The following ZNF506 variants were observed in gnomAD, a reference collection of about 807,000 sequenced individuals.
The protein encoded by ZNF506 is zinc finger protein 506.
ZNF506 carries 10 observed loss-of-function variants against 11.6 expected under a neutral mutation model. The observed-to-expected ratio is 0.86, with a 90% confidence interval of 0.53 to 1.46. The LOEUF is 1.46. ZNF506 is among the 40% of genes most tolerant of loss of function. ZNF506 has a pLI of 0.00. For synonymous variants in ZNF506, 156 were observed against 173.3 expected, an observed-to-expected ratio of 0.90 and a Z score of 0.78; for missense variants, 425 against 521.2, an observed-to-expected ratio of 0.82 and a Z score of 1.80.
chr19:19,812,310 A>G (rs774034687), intron 1 of ZNF506, among the ~76,000 whole-genome samples: 1 of 152,274 alleles, frequency 6.6e-6, no homozygotes, highest in Non-Finnish European at 1.5e-5. Context: ...CGCTGGCCCA[A>G]TGATAAGCCA....
At chr19:19,808,688 C>A (rs1225485646) in intron 1 of ZNF506, among the ~76,000 whole-genome samples, 5 of 150,738 alleles carry the variant, frequency 3.3e-5, no homozygotes, top group Non-Finnish European at 5.9e-5. Context: ...CTACAAAATA[C>A]AAAAATTAGC....
chr19:19,805,923 T>C, intron 3 of ZNF506, 108 bp downstream of exon 3: 1 of 987,322 alleles, frequency 1.0e-6, no homozygotes. Flanking sequence ...CAGGAACTAT[T>C]TCCTTGGGAA....
chr19:19,821,494 G>C, intron 1 of ZNF506, 107 bp downstream of exon 1: 1 of 1,439,062 alleles, frequency 6.9e-7, no homozygotes, highest in Non-Finnish European at 9.8e-7. Context: ...TTGTGGAGCT[G>C]ACTGCCGGGA....
intron 1 of ZNF506, among the ~76,000 whole-genome samples, chr19:19,809,696 G>T (rs1454318589): frequency 2.6e-5 from 4 of 152,088 alleles, no homozygotes; most frequent in Admixed American, 6.6e-5. Flanking sequence ...CTCCTTTCCT[G>T]TCCCCAGGTG....
chr19:19,799,869 C>G (rs1371544132), intron 3 of ZNF506, among the ~76,000 whole-genome samples: 7 of 112,940 alleles, frequency 6.2e-5, no homozygotes, highest in South Asian at 2.4e-4. Context: ...ACCCAACAGT[C>G]TTCAAAAAAA....
At chr19:19,820,282 A>G (rs1390415001) in intron 1 of ZNF506, 1 of 152,218 alleles carries the variant, frequency 6.6e-6, no homozygotes, top group Admixed American at 6.5e-5. Flanking sequence ...ACTCAAGTGT[A>G]TTCTTTGGTA....
chr19:19,798,492 C>CAA (rs11329595), intron 3 of ZNF506: 164 of 139,670 alleles, frequency 1.2e-3, no homozygotes, highest in African/African-American at 3.8e-3. Context: ...ATTAAAAATA[C>CAA]AAAAAAAAAA....
chr19:19,818,612 G>A (rs1017585366), intron 1 of ZNF506, among the ~76,000 whole-genome samples: 2 of 152,160 alleles, frequency 1.3e-5, no homozygotes, highest in Non-Finnish European at 2.9e-5. Flanking sequence ...CAAATAGAAT[G>A]ATTAGAAACT....
chr19:19,798,654 C>CAAAAAAAAA (rs1169444252), intron 3 of ZNF506: 1 of 39,422 alleles, frequency 2.5e-5, no homozygotes, highest in African/African-American at 1.0e-4. Context: ...GACTCCGTCT[C>CAAAAAAAAA]AAAAAAAAAA....
chr19:19,815,482 C>T (rs1568480925), intron 1 of ZNF506, among the ~76,000 whole-genome samples: 2 of 152,150 alleles, frequency 1.3e-5, no homozygotes, highest in African/African-American at 2.4e-5. Context: ...GACCTGGGAT[C>T]ACAGGACAAC....
rs187672785 is a variant in ZNF506 at position 19,806,199 on chromosome 19, G to A, written c.131-73C>T. The stretch of plus-strand genomic sequence containing the variant: ...TTACAAGCTAGTACTGTGCTCAGCA[G>A]AGAGGATGTGATAAAGTATTCTAGT... On this transcript the variant is annotated intron_variant, in intron 2 of 3. Transcript: ENST00000540806. 1,769 of 1,068,332 alleles carry A rather than the reference G, an allele frequency of 1.7e-3. 17 individuals are homozygous for A. The African/African-American group carries it at 0.019, about 11-fold the overall frequency. 66.2% of individuals were successfully genotyped at this position (1,068,332 alleles called of 1,614,324 possible). A position where few individuals can be genotyped will look rare whatever the true frequency, so the allele number is the denominator to read the frequency against.
At chr19:19,807,231 T>G (rs924278304) in intron 1 of ZNF506, among the ~76,000 whole-genome samples, 163 bp from the exon 2 acceptor site, 6 of 152,232 alleles carry the variant, frequency 3.9e-5, no homozygotes, top group Non-Finnish European at 7.3e-5. Flanking sequence ...TAATGTATTC[T>G]CTAACTCTGA....
At chr19:19,813,278 T>C (rs1404997749) in intron 1 of ZNF506, among the ~76,000 whole-genome samples, 1 of 152,236 alleles carries the variant, frequency 6.6e-6, no homozygotes, top group Non-Finnish European at 1.5e-5. Flanking sequence ...TAAATTTTCT[T>C]TGGATATTAG....
intron 1 of ZNF506, among the ~76,000 whole-genome samples, chr19:19,813,037 G>C (rs1003127262): frequency 2.0e-5 from 3 of 152,122 alleles, no homozygotes; most frequent in Non-Finnish European, 2.9e-5. Context: ...TGAAGAAATA[G>C]AATCTGACTG....
Position 19,800,398 on chromosome 19 carries a change from A to ATATATATATTTATATATATATATATATT in ZNF506, c.227-4739_227-4738insAATATATATATATATATAAATATATATA. Among the ~76,000 whole-genome samples, 2 of 146,094 alleles carry ATATATATATTTATATATATATATATATT rather than the reference A, an allele frequency of 1.4e-5. 1 individual carries two copies. The highest frequency in any genetic ancestry group is 4.2e-4 in the South Asian group (2 of 4,760). ...ATTAATATAACTAAACAGAATATAT[A>ATATATATATTTATATATATATATATATT]TATATATATATATATTTATATATAT... On this transcript the variant is annotated intron_variant, in intron 3 of 3. Coordinates refer to ENST00000540806, the MANE Select transcript of ZNF506 (RefSeq NM_001099269.3).
chr19:19,816,566 G>T (rs571466933), intron 1 of ZNF506, among the ~76,000 whole-genome samples: 2 of 152,076 alleles, frequency 1.3e-5, no homozygotes, highest in East Asian at 3.9e-4. Context: ...CACCCTGTTA[G>T]CCAGGATGGT....
At chr19:19,811,118 A>G (rs143484285) in intron 1 of ZNF506, among the ~76,000 whole-genome samples, 1 of 152,278 alleles carries the variant, frequency 6.6e-6, no homozygotes, top group Admixed American at 6.5e-5. Flanking sequence ...TTTATACTAT[A>G]TACTAATATG....
Position 19,794,297 on chromosome 19 carries a change from T to C in ZNF506, c.*255A>G. ...TGCACTCCAGCCTGGGTGACAAGAG[T>C]GAAACTCCATCTCAAAAAACAAAAA... On this transcript the variant is annotated 3_prime_UTR_variant, in exon 4 of 4. Transcript: ENST00000540806. 1 of 317,866 alleles carries C rather than the reference T, an allele frequency of 3.1e-6. No individual in the cohort carries two copies. The allele number at this position is 317,866 out of a possible 1,614,324, so 19.7% of individuals were successfully genotyped here.
At chr19:19,816,810 C>CTTT (rs34297481) in intron 1 of ZNF506, among the ~76,000 whole-genome samples, 90 of 80,256 alleles carry the variant, frequency 1.1e-3, no homozygotes, top group African/African-American at 2.1e-3. Context: ...AAAATATTTC[C>CTTT]TTTTTTTTTT....
Sources: allele counts gnomAD v4.1 joint callset (sites outside exome capture counted in the v4.1 genomes callset), GRCh38; gene constraint gnomAD v4.1.1; transcripts MANE v1.5; gene names NCBI Gene and HGNC (gene_info 2026-07-23, HGNC 2026-07-21).